The following ELP6 variants were observed in gnomAD, a reference collection of about 807,000 sequenced individuals.
The protein encoded by ELP6 is elongator complex protein 6.
ELP6 carries 23 observed loss-of-function variants against 28.1 expected under a neutral mutation model. That is an observed-to-expected ratio of 0.82 (90% CI 0.59 to 1.16). ELP6 has a LOEUF of 1.16. Ranked by LOEUF, ELP6 falls within the 50% of genes most tolerant of loss-of-function variation. The probability of loss-of-function intolerance (pLI) is 0.00; values close to 1 mark genes in which losing one functional copy is unlikely to be tolerated. For synonymous variants in ELP6, 132 were observed against 135.8 expected, an observed-to-expected ratio of 0.97 and a Z score of 0.19; for missense variants, 313 against 334.6, an observed-to-expected ratio of 0.94 and a Z score of 0.50.
At chr3:47,506,645 T>C in intron 3 of ELP6, among the ~76,000 whole-genome samples, 2 of 152,240 alleles carry the variant, frequency 1.3e-5, no homozygotes, top group Non-Finnish European at 2.9e-5. Flanking sequence ...ATCTCTCTTG[T>C]TTCCTAAACA....
chr3:47,504,683 T>TG (rs1304588577), intron 3 of ELP6: 4 of 984,170 alleles, frequency 4.1e-6, no homozygotes, highest in African/African-American at 3.5e-5. Flanking sequence ...TAGCCAGGCA[T>TG]GGTGGCACAT....
intron 6 of ELP6, chr3:47,496,627 CT>C (rs1360807319): frequency 1.6e-6 from 1 of 636,790 alleles, no homozygotes; most frequent in African/African-American, 2.0e-5. Context: ...TCCCAAGTAG[CT>C]GGATTATGGG....
In ELP6 at chr3:47,504,464, AGAGT is replaced by A. The variant is rs758428206; in HGVS notation, c.205-20_205-17del. 6.3e-7 allele frequency: 1 copy of A among 1,589,542 alleles called. No homozygotes were observed. Among genetic ancestry groups the A allele is most frequent in the Non-Finnish European group, 8.6e-7 (1 of 1,166,098 alleles). ...GGCTGACACCCTAAACATGAAAAAG[AGAGT>A]GAGTTACTATGCCTTGTAGGGGAAC... On this transcript the variant is annotated splice_polypyrimidine_tract_variant and intron_variant, in intron 3 of 6. Coordinates refer to ENST00000296149, the MANE Select transcript of ELP6 (RefSeq NM_001031703.3).
At chr3:47,511,981 G>GTC in intron 1 of ELP6, 1 of 984,094 alleles carries the variant, frequency 1.0e-6, no homozygotes, top group African/African-American at 1.7e-5. Flanking sequence ...CAGACCTTCA[G>GTC]TGTTACCCCT....
Position 47,495,918 on chromosome 3 carries a change from A to G in ELP6, c.*151T>C. ...GGGCCCAGGGCAGCCAAGGCATGCC[A>G]TCACTGCAGCACTCAACCCTCTGGT... On this transcript the variant is annotated 3_prime_UTR_variant, in exon 7 of 7. Coordinates refer to ENST00000296149, the MANE Select transcript of ELP6 (RefSeq NM_001031703.3). 1.5e-6 allele frequency: 2 copies of G among 1,346,226 alleles called. No homozygotes were observed. Among genetic ancestry groups the G allele is most frequent in the Non-Finnish European group, 2.0e-6 (2 of 993,748 alleles). The allele number at this position is 1,346,226 out of a possible 1,614,324, so 83.4% of individuals were successfully genotyped here. A position where few individuals can be genotyped will look rare whatever the true frequency, so the allele number is the denominator to read the frequency against.
At chr3:47,504,581 T>A in intron 3 of ELP6, 133 bp from the exon 4 acceptor site, 1 of 1,301,666 alleles carries the variant, frequency 7.7e-7, no homozygotes, top group Non-Finnish European at 9.8e-7. Context: ...TGTACAGGCC[T>A]GTCTTCATTC....
chr3:47,502,252 A>T (rs1357033472), intron 4 of ELP6: 1 of 259,378 alleles, frequency 3.9e-6, no homozygotes, highest in African/African-American at 2.3e-5. Flanking sequence ...TCTACTAAAA[A>T]TACAAAAATT....
chr3:47,508,025 A>C (rs1486437115), intron 3 of ELP6, among the ~76,000 whole-genome samples: 2 of 69,098 alleles, frequency 2.9e-5, no homozygotes, highest in African/African-American at 8.8e-5. Context: ...CATGCTGCAG[A>C]GCCCTGGAAT....
At chr3:47,502,615 A>C in intron 4 of ELP6, 1 of 933,022 alleles carries the variant, frequency 1.1e-6, no homozygotes. Flanking sequence ...GGGGAGGATC[A>C]TTTGAGCCCA....
chr3:47,504,539 C>T (rs1445655106), intron 3 of ELP6, 91 bp from the exon 4 acceptor site: 11 of 1,435,986 alleles, frequency 7.7e-6, no homozygotes, highest in South Asian at 3.1e-5. Flanking sequence ...AGACACCTTC[C>T]AAACTTGGCA....
intron 3 of ELP6, among the ~76,000 whole-genome samples, chr3:47,507,490 C>T (rs1708874768): frequency 1.3e-5 from 2 of 151,548 alleles, no homozygotes; most frequent in African/African-American, 4.9e-5. Context: ...CACTGCTCCA[C>T]CTGTGCAGAA....
At chr3:47,513,022 G>T (rs1178272801) in intron 1 of ELP6, 2 of 975,912 alleles carry the variant, frequency 2.0e-6, no homozygotes, top group African/African-American at 3.7e-5. Flanking sequence ...GTGGAGTCCC[G>T]CTCTGTCGCC....
chr3:47,510,275 T>C, intron 2 of ELP6, 21 bp from the exon 3 acceptor site: 1 of 1,602,332 alleles, frequency 6.2e-7, no homozygotes, highest in Non-Finnish European at 8.5e-7. Context: ...AAACAATTAT[T>C]TTAAATAAAT....
chr3:47,503,084 A>T, intron 4 of ELP6: 1 of 1,047,574 alleles, frequency 9.5e-7, no homozygotes, highest in Non-Finnish European at 1.2e-6. Flanking sequence ...AGCCCCTGGC[A>T]TTGGGTTATC....
intron 3 of ELP6, among the ~76,000 whole-genome samples, chr3:47,508,639 C>T (rs950505253): frequency 6.6e-6 from 1 of 152,008 alleles, no homozygotes; most frequent in Non-Finnish European, 1.5e-5. Flanking sequence ...GTTGAACCGG[C>T]TTTGCAAAAC....
chr3:47,507,801 C>T (rs1708885792), intron 3 of ELP6, among the ~76,000 whole-genome samples: 1 of 152,196 alleles, frequency 6.6e-6, no homozygotes, highest in African/African-American at 2.4e-5. Context: ...TCCTGATCAT[C>T]ACCCTTGCTC....
intron 3 of ELP6, among the ~76,000 whole-genome samples, chr3:47,509,253 C>T (rs750747718): frequency 2.8e-4 from 43 of 152,292 alleles, no homozygotes; most frequent in Admixed American, 6.5e-4. Flanking sequence ...TGAGCCACCA[C>T]GCCTGGCCCA....
At chr3:47,502,279 G>A (rs141922619) in intron 4 of ELP6, 25 of 352,938 alleles carry the variant, frequency 7.1e-5, no homozygotes, top group Middle Eastern at 1.4e-3. Flanking sequence ...GTGTGGTGGC[G>A]CACACCTGTA....
At chr3:47,498,685 C>CA in intron 5 of ELP6, 1 of 985,430 alleles carries the variant, frequency 1.0e-6, no homozygotes, top group Non-Finnish European at 1.2e-6. Flanking sequence ...CAACAGTCTT[C>CA]AAAATTAGCT....
Sources: allele counts gnomAD v4.1 joint callset (sites outside exome capture counted in the v4.1 genomes callset), GRCh38; gene constraint gnomAD v4.1.1; transcripts MANE v1.5; gene names NCBI Gene and HGNC (gene_info 2026-07-23, HGNC 2026-07-21).